TMEM26: variants seen among roughly 807,000 people sequenced by gnomAD.
TMEM26 encodes the protein transmembrane protein 26.
In TMEM26, 38 loss-of-function variants were observed where a neutral mutation model predicts 28.8. That is an observed-to-expected ratio of 1.32 (90% confidence interval 1.02 to 1.73). The LOEUF (loss-of-function observed/expected upper bound fraction) is 1.73, where lower values mean the gene tolerates loss of function less well. Ranked by LOEUF, TMEM26 falls within the 40% of genes most tolerant of loss-of-function variation. The pLI, the probability that TMEM26 is intolerant of heterozygous loss-of-function variation, is 0.00. For synonymous variants in TMEM26, 227 were observed against 182.9 expected (o/e 1.24, Z -1.95); for missense variants, 518 against 447.1 (o/e 1.16, Z -1.43).
At chr10:61,429,863 T>A (rs912138236) in intron 3 of TMEM26, among the ~76,000 whole-genome samples, 2 of 152,056 alleles carry the variant, frequency 1.3e-5, no homozygotes, top group African/African-American at 4.8e-5. Context: ...CAAAGTATAC[T>A]ATTGCCCCTA....
rs1839525512 is a variant in TMEM26 at position 61,408,679 on chromosome 10, T to C, written c.*1643A>G. ...TGATTTACTTCATATAAATATAATT[T>C]CTTGATCTTAACTTTCATAAAATTA... On this transcript the variant is annotated 3_prime_UTR_variant, in exon 6 of 6. Transcript: ENST00000399298. 1.3e-5 allele frequency: 2 copies of C among 152,210 alleles called. No homozygotes were observed. The highest frequency in any genetic ancestry group is 1.3e-4 in the Admixed American group (2 of 15,280). 9.4% of individuals were successfully genotyped at this position (152,210 alleles called of 1,614,324 possible). A position where few individuals can be genotyped will look rare whatever the true frequency, so the allele number is the denominator to read the frequency against.
intron 4 of TMEM26, among the ~76,000 whole-genome samples, chr10:61,422,633 C>T (rs1030233204): frequency 3.9e-5 from 6 of 152,056 alleles, no homozygotes; most frequent in African/African-American, 1.4e-4. Context: ...TATCAAATTT[C>T]TGGGTGCAGG....
rs1429936358 is a variant in TMEM26, at chr10:61,435,350, CT to C, written c.270+819del. Among the ~76,000 whole-genome samples, 7 of 152,100 alleles carry C rather than the reference CT, an allele frequency of 4.6e-5. No individual in the cohort carries two copies. In the South Asian group the frequency reaches 1.5e-3, roughly 32 times the overall value. On this transcript the variant is annotated intron_variant, in intron 2 of 5. Transcript: ENST00000399298. ...AGCATGCCACCACGCCCAGATAATT[CT>C]TGTATTTTCGGTAGATACAGGGTTT... is the stretch of plus-strand genomic sequence containing the variant.
At chr10:61,426,177 A>T (rs2135304813) in intron 4 of TMEM26, among the ~76,000 whole-genome samples, 1 of 152,274 alleles carries the variant, frequency 6.6e-6, no homozygotes, top group Middle Eastern at 3.4e-3. Context: ...GCCACACATA[A>T]AAGAGCACAC....
At chr10:61,452,442 C>T (rs1840302964) in intron 1 of TMEM26, among the ~76,000 whole-genome samples, 1 of 152,228 alleles carries the variant, frequency 6.6e-6, no homozygotes, top group Admixed American at 6.5e-5. Context: ...GTGTGCTCAG[C>T]TCTTGCGAAG....
chr10:61,414,923 T>A (rs1021575862), intron 4 of TMEM26: 1 of 946,006 alleles, frequency 1.1e-6, no homozygotes, highest in Non-Finnish European at 1.3e-6. Context: ...AATTAAGAAA[T>A]ATTCCAGGTG....
intron 1 of TMEM26, among the ~76,000 whole-genome samples, chr10:61,441,513 GTTT>G (rs904217591): frequency 6.6e-6 from 1 of 152,102 alleles, no homozygotes; most frequent in African/African-American, 2.4e-5. Flanking sequence ...AATAAACCAG[GTTT>G]TATTTTAGTC....
At chr10:61,411,355 A>C (rs1839566436) in intron 5 of TMEM26, among the ~76,000 whole-genome samples, 1 of 152,094 alleles carries the variant, frequency 6.6e-6, no homozygotes. Context: ...TTTTTCCCTC[A>C]ATCTTCCCCT....
At chr10:61,412,608 C>T (rs565320633) in intron 5 of TMEM26, among the ~76,000 whole-genome samples, 1 of 152,152 alleles carries the variant, frequency 6.6e-6, no homozygotes, top group Middle Eastern at 3.4e-3. Flanking sequence ...TTCTAGGGTT[C>T]CAAGAAGTTT....
At chr10:61,421,538 A>G (rs995973708) in intron 4 of TMEM26, among the ~76,000 whole-genome samples, 2 of 152,118 alleles carry the variant, frequency 1.3e-5, no homozygotes, top group Non-Finnish European at 2.9e-5. Context: ...CCCTAATCCA[A>G]TGACTATTGT....
intron 5 of TMEM26, chr10:61,412,901 T>G (rs1196657010): frequency 1.6e-6 from 2 of 1,280,392 alleles, no homozygotes; most frequent in South Asian, 2.6e-5. Context: ...TCTTAGGGGT[T>G]TATGTTTTTA....
intron 4 of TMEM26, among the ~76,000 whole-genome samples, chr10:61,420,573 T>C (rs934184668): frequency 6.6e-6 from 1 of 152,184 alleles, no homozygotes; most frequent in African/African-American, 2.4e-5. Flanking sequence ...TCTTTGTTTT[T>C]ACTTATTATA....
chr10:61,453,219 C>T lies in TMEM26; in HGVS notation c.-138G>A. ...GCTTGTGGTCCCTTCTCACCCTCAG[C>T]GCCCGATGCCGGTAGAACTGGTGCG... is the stretch of plus-strand genomic sequence containing the variant. On this transcript the variant is annotated 5_prime_UTR_variant, in exon 1 of 6. Coordinates refer to ENST00000399298, the MANE Select transcript of TMEM26 (RefSeq NM_178505.8). 1.2e-6 allele frequency: 1 copy of T among 854,406 alleles called. No individual in the cohort carries two copies. Among genetic ancestry groups the T allele is most frequent in the Non-Finnish European group, 1.8e-6 (1 of 564,598 alleles). 52.9% of individuals were successfully genotyped at this position (854,406 alleles called of 1,614,324 possible). A position where few individuals can be genotyped will look rare whatever the true frequency, so the allele number is the denominator to read the frequency against.
chr10:61,444,648 T>C (rs1262949485), intron 1 of TMEM26, among the ~76,000 whole-genome samples: 3 of 123,720 alleles, frequency 2.4e-5, no homozygotes. Flanking sequence ...TTTACCCTCA[T>C]AATTTAAAAA....
chr10:61,407,953 G>A lies in TMEM26; in HGVS notation c.*2369C>T, dbSNP rs919765919. The stretch of plus-strand genomic sequence containing the variant: ...CAGTTGGATGTTTTGAAACATTACA[G>A]TATTTAGCAGTCTACGCTATGAACT... On this transcript the variant is annotated 3_prime_UTR_variant, in exon 6 of 6. Transcript: ENST00000399298. 3 of 152,194 alleles carry A rather than the reference G, an allele frequency of 2.0e-5. No homozygotes were observed. The highest frequency in any genetic ancestry group is 4.8e-5 in the African/African-American group (2 of 41,444). The allele number at this position is 152,194 out of a possible 1,614,324, so 9.4% of individuals were successfully genotyped here. A position where few individuals can be genotyped will look rare whatever the true frequency, so the allele number is the denominator to read the frequency against.
rs1480128504 is a variant in TMEM26 at position 61,409,538 on chromosome 10, G to T, written c.*784C>A. On this transcript the variant is annotated 3_prime_UTR_variant, in exon 6 of 6. Transcript: ENST00000399298. The stretch of plus-strand genomic sequence containing the variant: ...TGGCAATATAGAAAATGGTAAAGCA[G>T]GGTTCAGAAAAATACTGATGAACAC... The T allele has an allele frequency of 6.6e-6, 1 of 152,200 alleles. No homozygotes were observed. The highest frequency in any genetic ancestry group is 1.5e-5 in the Non-Finnish European group (1 of 68,066). 9.4% of individuals were successfully genotyped at this position (152,200 alleles called of 1,614,324 possible).
At chr10:61,451,714 G>T (rs753095260) in intron 1 of TMEM26, among the ~76,000 whole-genome samples, 4 of 152,108 alleles carry the variant, frequency 2.6e-5, no homozygotes, top group Non-Finnish European at 5.9e-5. Flanking sequence ...ATTAAATTAG[G>T]ATTGTTCTTG....
At chr10:61,442,359 C>T (rs946971564) in intron 1 of TMEM26, among the ~76,000 whole-genome samples, 2 of 152,000 alleles carry the variant, frequency 1.3e-5, no homozygotes, top group Non-Finnish European at 2.9e-5. Context: ...AAATAACATC[C>T]ATTCATTTTT....
At chr10:61,446,954 G>A (rs1374627960) in intron 1 of TMEM26, among the ~76,000 whole-genome samples, 1 of 146,142 alleles carries the variant, frequency 6.8e-6, no homozygotes, top group Non-Finnish European at 1.5e-5. Context: ...CTCCCATCAG[G>A]GCTACAACAA....
Sources: gnomAD v4.1 joint callset for allele counts (sites outside exome capture counted in the v4.1 genomes callset) on GRCh38, gnomAD v4.1.1 for gene constraint, MANE v1.5 for transcripts, NCBI Gene and HGNC (gene_info 2026-07-23, HGNC 2026-07-21) for gene names.